The following PTPRT variants were observed in gnomAD, a reference collection of about 807,000 sequenced individuals.
PTPRT encodes the protein receptor-type tyrosine-protein phosphatase T.
In PTPRT, 56 loss-of-function variants were observed where a neutral mutation model predicts 176.8. That is an observed-to-expected ratio of 0.32 (90% CI 0.26 to 0.40). PTPRT has a LOEUF of 0.40. Among genes scored for constraint, PTPRT ranks in the 10% least tolerant of loss-of-function variants. The pLI, the probability that PTPRT is intolerant of heterozygous loss-of-function variation, is 1.00. For synonymous variants in PTPRT, 783 were observed against 739.0 expected (o/e 1.06, Z -0.96); for missense variants, 1,540 against 1,908.2 (o/e 0.81, Z 3.60).
intron 1 of PTPRT, among the ~76,000 whole-genome samples, chr20:43,064,926 T>C (rs1987624702): frequency 6.6e-6 from 1 of 152,232 alleles, no homozygotes; most frequent in Non-Finnish European, 1.5e-5. Context: ...TGCTAGCTTA[T>C]ATTACCCTGA....
intron 17 of PTPRT, among the ~76,000 whole-genome samples, chr20:42,149,386 C>T (rs367624116): frequency 3.5e-4 from 53 of 150,148 alleles, no homozygotes; most frequent in East Asian, 2.2e-3. Context: ...AGGACAAGAA[C>T]GTGAGTTTTA....
rs917680719 is a variant in PTPRT, at chr20:42,985,807, G to A, written c.89-99875C>T. Among the ~76,000 whole-genome samples the A allele has an allele frequency of 4.6e-5, 7 of 151,988 alleles. No individual in the cohort carries two copies. The South Asian group carries it at 1.0e-3, about 23-fold the overall frequency. On this transcript the variant is annotated intron_variant, in intron 1 of 30. Transcript: ENST00000373187. ...AGTCTAGCGGGGGGATGAGGAGTGC[G>A]CCCCCCAGAGCCAGGGGAAGGTTGA...
intron 1 of PTPRT, among the ~76,000 whole-genome samples, chr20:43,013,313 G>A (rs562961079): frequency 2.1e-3 from 322 of 152,118 alleles, no homozygotes; most frequent in African/African-American, 7.1e-3. Flanking sequence ...TCAAAGCATC[G>A]AGAGCTTCAA....
chr20:42,301,201 AAT>A (rs1224051231), intron 12 of PTPRT, among the ~76,000 whole-genome samples: 1 of 152,266 alleles, frequency 6.6e-6, no homozygotes, highest in Admixed American at 6.5e-5. Context: ...TGTCACCAGT[AAT>A]GGAACAAACT....
At chr20:42,929,637 G>T (rs1210992512) in intron 1 of PTPRT, among the ~76,000 whole-genome samples, 1 of 152,230 alleles carries the variant, frequency 6.6e-6, no homozygotes, top group Admixed American at 6.5e-5. Flanking sequence ...GAGAGATGGT[G>T]TTCAGACAAG....
At chr20:43,075,059 A>C (rs1020322035) in intron 1 of PTPRT, among the ~76,000 whole-genome samples, 1 of 152,222 alleles carries the variant, frequency 6.6e-6, no homozygotes, top group Non-Finnish European at 1.5e-5. Context: ...TGCAGAACAT[A>C]AACATCCAGC....
intron 6 of PTPRT, among the ~76,000 whole-genome samples, chr20:42,724,652 C>CTT (rs2146243413): frequency 6.6e-6 from 1 of 152,244 alleles, no homozygotes; most frequent in South Asian, 2.1e-4. Context: ...TCTCTTCATG[C>CTT]CTAGACATGG....
chr20:43,143,197 T>A (rs1015480971), intron 1 of PTPRT, among the ~76,000 whole-genome samples: 2 of 151,980 alleles, frequency 1.3e-5, no homozygotes, highest in African/African-American at 4.8e-5. Flanking sequence ...CTCCCAACAA[T>A]CCCCCTACCT....
intron 12 of PTPRT, among the ~76,000 whole-genome samples, chr20:42,308,134 T>G (rs1204729818): frequency 6.6e-6 from 1 of 151,420 alleles, no homozygotes; most frequent in Non-Finnish European, 1.5e-5. Flanking sequence ...ATCCACCCCT[T>G]TTTTTTTAGC....
At chr20:43,129,187 C>T (rs1194180031) in intron 1 of PTPRT, among the ~76,000 whole-genome samples, 2 of 152,082 alleles carry the variant, frequency 1.3e-5, no homozygotes, top group African/African-American at 4.8e-5. Context: ...GGCATAGAGG[C>T]CGAGGTATAA....
At chr20:42,153,436 T>C (rs981554093) in intron 17 of PTPRT, among the ~76,000 whole-genome samples, 1 of 152,144 alleles carries the variant, frequency 6.6e-6, no homozygotes, top group African/African-American at 2.4e-5. Context: ...GGACCAGGTT[T>C]TGACTCTTGG....
intron 9 of PTPRT, among the ~76,000 whole-genome samples, chr20:42,353,110 T>A (rs1292985012): frequency 6.6e-6 from 1 of 152,208 alleles, no homozygotes; most frequent in African/African-American, 2.4e-5. Context: ...GCTTCTTCAT[T>A]TGGACTAGCC....
At chr20:42,220,611 C>T (rs539414583) in intron 15 of PTPRT, among the ~76,000 whole-genome samples, 138 of 152,248 alleles carry the variant, frequency 9.1e-4, no homozygotes, top group Admixed American at 3.8e-3. Flanking sequence ...CTAAACCGCA[C>T]ATGTCCAGAA....
At chr20:42,608,915 C>T (rs2073928282) in intron 7 of PTPRT, among the ~76,000 whole-genome samples, 1 of 152,108 alleles carries the variant, frequency 6.6e-6, no homozygotes, top group African/African-American at 2.4e-5. Flanking sequence ...GGATCAGAGA[C>T]ATTCTTGATG....
At chr20:42,403,333 C>T (rs1209969260) in intron 9 of PTPRT, among the ~76,000 whole-genome samples, 1 of 152,116 alleles carries the variant, frequency 6.6e-6, no homozygotes, top group African/African-American at 2.4e-5. Context: ...TTTTTCTTCA[C>T]AATTATAAAT....
chr20:42,469,842 G>A (rs1036647615), intron 8 of PTPRT, among the ~76,000 whole-genome samples: 9 of 152,118 alleles, frequency 5.9e-5, no homozygotes, highest in African/African-American at 1.9e-4. Flanking sequence ...TGGTGGAAGT[G>A]AGAATTAGGG....
At position 42,993,464 on chromosome 20, in the gene PTPRT, G is replaced by GTA. The variant is rs1352152818; in HGVS notation, c.89-107534_89-107533dup. 6.6e-5 allele frequency among the ~76,000 whole-genome samples: 4 copies of GTA among 60,290 alleles called. 1 individual carries two copies. Among genetic ancestry groups the GTA allele is most frequent in the East Asian group, 6.1e-4 (2 of 3,264 alleles). 39.6% of individuals were successfully genotyped at this position (60,290 alleles called of 152,430 possible). A position where few individuals can be genotyped will look rare whatever the true frequency, so the allele number is the denominator to read the frequency against. On this transcript the variant is annotated intron_variant, in intron 1 of 30. Coordinates refer to ENST00000373187, the MANE Select transcript of PTPRT (RefSeq NM_007050.6). ...TGTATATATATATATGTATGTGTGT[G>GTA]TATATATATACACATATATGTGTGT...
At chr20:42,174,104 T>C (rs1990185283) in intron 16 of PTPRT, among the ~76,000 whole-genome samples, 1 of 152,136 alleles carries the variant, frequency 6.6e-6, no homozygotes, top group Admixed American at 6.6e-5. Flanking sequence ...GGTGGCTTAG[T>C]GTTAGAAAGA....
At chr20:42,914,320 G>T (rs2145939007) in intron 1 of PTPRT, among the ~76,000 whole-genome samples, 1 of 152,272 alleles carries the variant, frequency 6.6e-6, no homozygotes, top group Non-Finnish European at 1.5e-5. Context: ...TGTCAAGGAA[G>T]GTGGGGTGAT....
Sources: gnomAD v4.1 joint callset for allele counts (sites outside exome capture counted in the v4.1 genomes callset) on GRCh38, gnomAD v4.1.1 for gene constraint, MANE v1.5 for transcripts, NCBI Gene and HGNC (gene_info 2026-07-23, HGNC 2026-07-21) for gene names.